PDE10A: variants seen among roughly 807,000 people sequenced by gnomAD.
PDE10A encodes cAMP and cAMP-inhibited cGMP 3',5'-cyclic phosphodiesterase 10A.
Under a neutral mutation model 97.7 loss-of-function variants are expected in PDE10A, and 39 were observed. The observed-to-expected ratio is 0.40, with a 90% confidence interval of 0.31 to 0.52. The LOEUF (loss-of-function observed/expected upper bound fraction) is 0.52. PDE10A is among the 20% of genes least tolerant of loss of function. The probability of loss-of-function intolerance (pLI) is 0.56; values close to 1 mark genes in which losing one functional copy is unlikely to be tolerated. For missense variants in PDE10A, 731 were observed against 1,047.8 expected (o/e 0.70, Z 4.17); for synonymous variants, 371 against 376.8 (o/e 0.98, Z 0.18).
At chr6:165,882,962 A>G (rs566841275) in intron 1 of PDE10A, among the ~76,000 whole-genome samples, 1 of 152,292 alleles carries the variant, frequency 6.6e-6, no homozygotes, top group Non-Finnish European at 1.5e-5. Context: ...TGCGCCGGGT[A>G]TGGTGGCTCA....
chr6:165,542,794 A>G (rs1259065114), intron 2 of PDE10A, among the ~76,000 whole-genome samples: 1 of 151,370 alleles, frequency 6.6e-6, no homozygotes, highest in African/African-American at 2.4e-5. Flanking sequence ...AATTTTTTGT[A>G]TTTTTAGTAG....
At chr6:165,845,264 T>A (rs924299978) in intron 1 of PDE10A, among the ~76,000 whole-genome samples, 2 of 152,186 alleles carry the variant, frequency 1.3e-5, no homozygotes, top group Admixed American at 1.3e-4. Context: ...AGTCACAGAT[T>A]TAAAATTCAT....
intron 1 of PDE10A, among the ~76,000 whole-genome samples, chr6:165,569,832 C>A (rs1043752412): frequency 1.3e-5 from 2 of 152,090 alleles, no homozygotes; most frequent in African/African-American, 4.8e-5. Flanking sequence ...CACATATGTT[C>A]TTTGCTGTTA....
At chr6:165,843,989 C>T (rs181395574) in intron 1 of PDE10A, among the ~76,000 whole-genome samples, 79 of 152,218 alleles carry the variant, frequency 5.2e-4, no homozygotes, top group African/African-American at 1.8e-3. Flanking sequence ...CTCCAGAGCA[C>T]GGCACAGGTT....
intron 2 of PDE10A, among the ~76,000 whole-genome samples, chr6:165,508,423 T>G (rs1433469236): frequency 3.3e-5 from 5 of 151,992 alleles, no homozygotes; most frequent in African/African-American, 1.2e-4. Context: ...AGAGTAGCAT[T>G]CCTTTGCATG....
chr6:165,370,207 G>C (rs1318041692), intron 18 of PDE10A, among the ~76,000 whole-genome samples: 1 of 150,966 alleles, frequency 6.6e-6, no homozygotes, highest in Non-Finnish European at 1.5e-5. Context: ...CATAATGACA[G>C]GATCAAATTC....
intron 18 of PDE10A, among the ~76,000 whole-genome samples, chr6:165,364,581 A>C (rs529801269): frequency 6.6e-6 from 1 of 152,320 alleles, no homozygotes; most frequent in East Asian, 1.9e-4. Flanking sequence ...GATTGGAAAA[A>C]GGTAGAGTGG....
intron 3 of PDE10A, among the ~76,000 whole-genome samples, chr6:165,470,634 G>T (rs181601162): frequency 6.6e-6 from 1 of 152,034 alleles, no homozygotes; most frequent in Admixed American, 6.6e-5. Flanking sequence ...ATTTGGTTAC[G>T]CTTGTTTTTC....
chr6:165,506,080 G>A (rs9457099), intron 2 of PDE10A, among the ~76,000 whole-genome samples: 9,197 of 151,916 alleles, frequency 0.061, 480 homozygotes, highest in East Asian at 0.24. Flanking sequence ...GTCTTTTCCC[G>A]CTTTTTTCCA....
intron 1 of PDE10A, among the ~76,000 whole-genome samples, chr6:165,573,292 T>C (rs796594417): frequency 7.5e-6 from 1 of 133,602 alleles, no homozygotes; most frequent in African/African-American, 2.8e-5. Context: ...TTTTTTTTTT[T>C]AATCAGTAGA....
chr6:165,691,203 C>CACACACACACACACACA (rs1562687327), intron 1 of PDE10A, among the ~76,000 whole-genome samples: 7 of 108,662 alleles, frequency 6.4e-5, no homozygotes, highest in African/African-American at 2.7e-4. Context: ...CTCTCTCTCC[C>CACACACACACACACACA]CACACACACA....
At chr6:165,958,581 GACAGAA>G (rs1784241374) in intron 1 of PDE10A, among the ~76,000 whole-genome samples, 2 of 23,812 alleles carry the variant, frequency 8.4e-5, no homozygotes, top group Admixed American at 5.3e-4. Context: ...CAGAAAGAAA[GACAGAA>G]AGAGAGAAAG....
rs1403165311 is a variant in PDE10A, at chr6:165,711,485, T to C, written c.-614-167917A>G. 6.6e-6 allele frequency among the ~76,000 whole-genome samples: 1 copy of C among 152,192 alleles called. No homozygotes were observed. The highest frequency in any genetic ancestry group is 2.1e-4 in the South Asian group (1 of 4,830). The stretch of plus-strand genomic sequence containing the variant: ...TCTGGTGGACTCTGCGAGTTAGCTG[T>C]CTGGAGAGGGCCTTAAGTCACTCTC... On this transcript the variant is annotated intron_variant, in intron 1 of 19. Coordinates refer to the PDE10A transcript ENST00000366882. This position sits in a 1 kb window ranked among gnomAD's most constrained non-coding sequence, Gnocchi z 4.5.
At chr6:165,508,262 C>A (rs553879767) in intron 2 of PDE10A, among the ~76,000 whole-genome samples, 49 of 152,180 alleles carry the variant, frequency 3.2e-4, no homozygotes, top group Admixed American at 1.4e-3. Flanking sequence ...TGTTTTCTGT[C>A]ACTGTATATT....
intron 1 of PDE10A, among the ~76,000 whole-genome samples, chr6:165,915,523 C>T (rs1003916821): frequency 1.3e-5 from 2 of 152,104 alleles, no homozygotes; most frequent in African/African-American, 2.4e-5. Context: ...GGCAGTAACA[C>T]AACAGGACAG....
chr6:165,979,427 T>G (rs1784944871), intron 1 of PDE10A, among the ~76,000 whole-genome samples: 1 of 152,272 alleles, frequency 6.6e-6, no homozygotes, highest in African/African-American at 2.4e-5. Context: ...TGCTGTGGCA[T>G]GTTTAATCTC....
At chr6:165,896,829 A>G (rs1361497170) in intron 1 of PDE10A, among the ~76,000 whole-genome samples, 5 of 151,820 alleles carry the variant, frequency 3.3e-5, no homozygotes, top group Non-Finnish European at 7.4e-5. Flanking sequence ...CAGCCAACAC[A>G]TGGCTAATTT....
Position 165,670,630 on chromosome 6 carries a change from A to G in PDE10A, c.-614-127062T>C, listed in dbSNP as rs558646104. ...ATCTTATGTAATTGACAAACAAATC[A>G]TGATATAATCACCTTAATTTAAATG... On this transcript the variant is annotated intron_variant, in intron 1 of 19. Transcript: ENST00000366882. Among the ~76,000 whole-genome samples, 60 of 152,330 alleles carry G rather than the reference A, an allele frequency of 3.9e-4. No homozygotes were observed. In the South Asian group the frequency reaches 9.3e-3, roughly 24 times the overall value.
At chr6:165,948,897 G>C (rs1040272732) in intron 1 of PDE10A, 1 of 152,324 alleles carries the variant, frequency 6.6e-6, no homozygotes, top group Non-Finnish European at 1.5e-5. Context: ...CACCACGTGA[G>C]GTCAGGTACA....
Sources: allele counts gnomAD v4.1 joint callset (sites outside exome capture counted in the v4.1 genomes callset), GRCh38; gene constraint gnomAD v4.1.1; non-coding constraint Gnocchi (gnomAD v3.1); transcripts MANE v1.5; gene names NCBI Gene and HGNC (gene_info 2026-07-23, HGNC 2026-07-21).